LHFPL3: variants seen among roughly 807,000 people sequenced by gnomAD.
LHFPL3 encodes LHFPL tetraspan subfamily member 3, also known as LHFPL tetraspan subfamily member 3 protein.
LHFPL3 carries 5 observed loss-of-function variants against 19.3 expected under a neutral mutation model. That is an observed-to-expected ratio of 0.26 (90% CI 0.14 to 0.54). The LOEUF (loss-of-function observed/expected upper bound fraction) is 0.54, where lower values mean the gene tolerates loss of function less well. Ranked by LOEUF, LHFPL3 falls within the 20% of genes least tolerant of loss-of-function variation. LHFPL3 has a pLI of 0.94. For missense variants in LHFPL3, 249 were observed against 307.4 expected (o/e 0.81, Z 1.42); for synonymous variants, 133 against 126.2 (o/e 1.05, Z -0.36).
At chr7:104,422,515 C>A (rs572259512) in intron 1 of LHFPL3, among the ~76,000 whole-genome samples, 1 of 152,174 alleles carries the variant, frequency 6.6e-6, no homozygotes, top group Non-Finnish European at 1.5e-5. Context: ...TTAAGCCAAG[C>A]TGTGTGGATT....
intron 1 of LHFPL3, among the ~76,000 whole-genome samples, chr7:104,334,875 C>A (rs1584593702): frequency 6.6e-6 from 1 of 151,978 alleles, no homozygotes; most frequent in South Asian, 2.1e-4. Flanking sequence ...ATGTAAAAAT[C>A]AAGAGATTGG....
At chr7:104,807,411 G>C (rs1279173982) in intron 2 of LHFPL3, among the ~76,000 whole-genome samples, 1 of 152,114 alleles carries the variant, frequency 6.6e-6, no homozygotes, top group East Asian at 1.9e-4. Context: ...CTGCAGAACT[G>C]TTAGACGATA....
chr7:104,522,504 T>G (rs1216151236), intron 1 of LHFPL3, among the ~76,000 whole-genome samples: 1 of 151,850 alleles, frequency 6.6e-6, no homozygotes, highest in East Asian at 1.9e-4. Context: ...ACCTGCACAT[T>G]GTGCACATGT....
intron 2 of LHFPL3, among the ~76,000 whole-genome samples, chr7:104,880,252 G>A (rs1792020989): frequency 6.6e-6 from 1 of 152,026 alleles, no homozygotes; most frequent in Non-Finnish European, 1.5e-5. Context: ...AGATCTGGTT[G>A]TTTAAAAGAG....
chr7:104,375,745 G>A (rs1790702318), intron 1 of LHFPL3, among the ~76,000 whole-genome samples: 1 of 152,146 alleles, frequency 6.6e-6, no homozygotes, highest in Non-Finnish European at 1.5e-5. Flanking sequence ...ACACTATCCT[G>A]GATTCTTTAC....
At chr7:104,467,162 G>A (rs936356796) in intron 1 of LHFPL3, among the ~76,000 whole-genome samples, 2 of 152,144 alleles carry the variant, frequency 1.3e-5, no homozygotes, top group African/African-American at 4.8e-5. Flanking sequence ...GTGACATCGA[G>A]TTTATTGTTC....
chr7:104,613,516 A>G (rs1318957628), intron 1 of LHFPL3, among the ~76,000 whole-genome samples: 2 of 152,204 alleles, frequency 1.3e-5, no homozygotes, highest in Non-Finnish European at 2.9e-5. Context: ...TAAGAAGGCT[A>G]AAACTGGCTA....
intron 1 of LHFPL3, among the ~76,000 whole-genome samples, chr7:104,527,238 G>A (rs1281512316): frequency 6.6e-6 from 1 of 152,168 alleles, no homozygotes; most frequent in Non-Finnish European, 1.5e-5. Context: ...AACTGTGGCT[G>A]CATTCTAGTT....
intron 1 of LHFPL3, among the ~76,000 whole-genome samples, chr7:104,650,918 TA>T (rs1308020439): frequency 6.6e-6 from 1 of 152,168 alleles, no homozygotes; most frequent in South Asian, 2.1e-4. Context: ...AGAGTTTGGT[TA>T]AAAAAAATCA....
intron 1 of LHFPL3, among the ~76,000 whole-genome samples, chr7:104,500,327 CA>C (rs1300786090): frequency 1.4e-5 from 2 of 146,944 alleles, no homozygotes; most frequent in Non-Finnish European, 2.9e-5. Flanking sequence ...CTTTAAGAAA[CA>C]AAGTTGAAAG....
At chr7:104,584,057 C>A (rs1790515229) in intron 1 of LHFPL3, among the ~76,000 whole-genome samples, 1 of 152,102 alleles carries the variant, frequency 6.6e-6, no homozygotes, top group Admixed American at 6.5e-5. Flanking sequence ...TGGAACCAAC[C>A]CAAATGTCCA....
intron 2 of LHFPL3, among the ~76,000 whole-genome samples, chr7:104,858,560 C>T (rs115598790): frequency 0.01 from 1,543 of 152,296 alleles, 21 homozygotes; most frequent in African/African-American, 0.035. Context: ...TCCAAACCTC[C>T]TCCTCTTTGC....
intron 1 of LHFPL3, among the ~76,000 whole-genome samples, chr7:104,711,390 G>T (rs1793297817): frequency 6.6e-6 from 1 of 152,340 alleles, no homozygotes; most frequent in Admixed American, 6.5e-5. Flanking sequence ...ACTGGGATTA[G>T]TCAAGTAATT....
rs928431129 is a variant in LHFPL3, at chr7:104,474,687, C to CAA, written c.445+145483_445+145484dup. On this transcript the variant is annotated intron_variant, in intron 1 of 2. Coordinates refer to ENST00000424859, the MANE Select transcript of LHFPL3 (RefSeq NM_199000.3). ...ATCACAACGACAACAACAACAACAA[C>CAA]AAAAAAAAAAAAAAAAAAAAAGAAA... Among the ~76,000 whole-genome samples the CAA allele has an allele frequency of 3.7e-3, 153 of 40,986 alleles. 1 individual carries two copies. The highest frequency in any genetic ancestry group is 5.7e-3 in the Non-Finnish European group (106 of 18,440). 26.9% of individuals were successfully genotyped at this position (40,986 alleles called of 152,430 possible).
intron 1 of LHFPL3, among the ~76,000 whole-genome samples, chr7:104,430,860 A>G (rs1791990455): frequency 1.3e-5 from 2 of 152,076 alleles, no homozygotes; most frequent in Admixed American, 6.6e-5. Flanking sequence ...TTGCAGGTGC[A>G]TAATGTGTGT....
chr7:104,466,641 A>G (rs969578159), intron 1 of LHFPL3, among the ~76,000 whole-genome samples: 1 of 152,212 alleles, frequency 6.6e-6, no homozygotes, highest in Non-Finnish European at 1.5e-5. Context: ...GTTATAACTG[A>G]CTGAAGCAAA....
In LHFPL3 at chr7:104,328,947, C is replaced by G. The variant is rs746991018; in HGVS notation, c.168C>G (p.Ile56Met). The G allele has an allele frequency of 3.7e-6, 6 of 1,614,212 alleles. No individual in the cohort carries two copies. Among genetic ancestry groups the G allele is most frequent in the Middle Eastern group, 1.6e-4 (1 of 6,062 alleles). ...CCATCGTCAACGTGGTGTGCTTCATCCAGCCCTACTGGATAGGCGACGGCG... is the reference window on the plus strand; with the variant it reads ...CCATCGTCAACGTGGTGTGCTTCATGCAGCCCTACTGGATAGGCGACGGCG... ...CFAIVNVVCF[I>M]QPYWIGDGVD... is the part of the protein sequence containing the mutation. The change falls in exon 1 of 3, where the codon ATC becomes ATG. Residue 56 changes from isoleucine (I) to methionine (M), a missense_variant. By Grantham distance (10) the Ile-to-Met change is conservative. Transcript: ENST00000424859. The surrounding 1 kb of genome is among the most constrained non-coding windows in gnomAD (Gnocchi z 4.6).
chr7:104,512,999 A>G (rs1392182137), intron 1 of LHFPL3, among the ~76,000 whole-genome samples: 1 of 152,184 alleles, frequency 6.6e-6, no homozygotes, highest in South Asian at 2.1e-4. Flanking sequence ...ATCTATGGAT[A>G]TAGTTCTCTT....
chr7:104,905,852 C>G (rs2285533), intron 2 of LHFPL3, among the ~76,000 whole-genome samples: 23,243 of 152,166 alleles, frequency 0.15, 3,984 homozygotes, highest in East Asian at 0.45. Context: ...GGAAAACACT[C>G]AAGTGACACA....
Sources: gnomAD v4.1 joint callset for allele counts (sites outside exome capture counted in the v4.1 genomes callset) on GRCh38, gnomAD v4.1.1 for gene constraint, Gnocchi (gnomAD v3.1) non-coding constraint, MANE v1.5 for transcripts, NCBI Gene and HGNC (gene_info 2026-07-23, HGNC 2026-07-21) for gene names.